Variants in CNTN5 observed in about 807,000 individuals in gnomAD.
The protein encoded by CNTN5 is contactin-5.
In CNTN5, 77 loss-of-function variants were observed where a neutral mutation model predicts 129.1. The observed-to-expected ratio is 0.60, with a 90% CI of 0.50 to 0.72. The LOEUF (loss-of-function observed/expected upper bound fraction) is 0.72, where lower values mean the gene tolerates loss of function less well. CNTN5 is among the 30% of genes least tolerant of loss of function. The pLI, the probability that CNTN5 is intolerant of heterozygous loss-of-function variation, is 0.00. For synonymous variants in CNTN5, 509 were observed against 465.6 expected (o/e 1.09, Z -1.20); for missense variants, 1,478 against 1,328.8 (o/e 1.11, Z -1.75).
chr11:99,985,152 C>T (rs1938599421), intron 8 of CNTN5, among the ~76,000 whole-genome samples: 1 of 152,026 alleles, frequency 6.6e-6, no homozygotes, highest in Non-Finnish European at 1.5e-5. Flanking sequence ...CCTCTGCTGG[C>T]AAGGGCAAAG....
At chr11:99,070,962 A>C (rs1277818453) in intron 1 of CNTN5, among the ~76,000 whole-genome samples, 1 of 152,174 alleles carries the variant, frequency 6.6e-6, no homozygotes, top group Non-Finnish European at 1.5e-5. Flanking sequence ...AAAAATGCAG[A>C]TACAGACTCA....
chr11:99,655,423 C>A (rs747751399), intron 3 of CNTN5, among the ~76,000 whole-genome samples: 15 of 152,086 alleles, frequency 9.9e-5, no homozygotes, highest in Non-Finnish European at 1.5e-4. Flanking sequence ...AATTCCAGTT[C>A]TATAGCTTAA....
chr11:99,624,755 A>G (rs950677274), intron 3 of CNTN5, among the ~76,000 whole-genome samples: 1 of 152,188 alleles, frequency 6.6e-6, no homozygotes, highest in African/African-American at 2.4e-5. Flanking sequence ...TGACTGATAC[A>G]TGTCTGATGG....
chr11:99,684,823 T>G (rs1189850619), intron 3 of CNTN5, among the ~76,000 whole-genome samples: 1 of 151,720 alleles, frequency 6.6e-6, no homozygotes, highest in Non-Finnish European at 1.5e-5. Flanking sequence ...GTTCTTGATA[T>G]GAATTTATAT....
intron 2 of CNTN5, among the ~76,000 whole-genome samples, chr11:99,446,508 C>G (rs1234615921): frequency 1.3e-5 from 2 of 152,098 alleles, no homozygotes; most frequent in African/African-American, 2.4e-5. Flanking sequence ...CTATTTCAGT[C>G]AGTAAAGTTA....
intron 6 of CNTN5, among the ~76,000 whole-genome samples, chr11:99,909,817 G>T (rs552825111): frequency 2.0e-5 from 3 of 151,916 alleles, no homozygotes; most frequent in South Asian, 2.1e-4. Flanking sequence ...GTTGTGGGGT[G>T]GGGGGAGAGG....
intron 2 of CNTN5, among the ~76,000 whole-genome samples, chr11:99,543,436 C>G (rs1948178301): frequency 6.6e-6 from 1 of 152,130 alleles, no homozygotes; most frequent in African/African-American, 2.4e-5. Flanking sequence ...TGCTGACCAT[C>G]ACATTTACTT....
chr11:99,817,346 C>G (rs373365558), intron 3 of CNTN5, among the ~76,000 whole-genome samples: 1 of 152,136 alleles, frequency 6.6e-6, no homozygotes, highest in Non-Finnish European at 1.5e-5. Context: ...GAAGACCTGG[C>G]GTAGTGCGCT....
intron 1 of CNTN5, among the ~76,000 whole-genome samples, chr11:99,161,367 C>A (rs866260069): frequency 3.9e-5 from 6 of 152,080 alleles, no homozygotes; most frequent in Middle Eastern, 6.8e-3. Context: ...CAGAGCAGCA[C>A]ATTTAAGGAA....
intron 7 of CNTN5, among the ~76,000 whole-genome samples, chr11:99,936,115 C>T (rs1950310766): frequency 6.6e-6 from 1 of 152,160 alleles, no homozygotes; most frequent in African/African-American, 2.4e-5. Flanking sequence ...GAGCACAGCT[C>T]TAGTCTCTCT....
At chr11:99,719,594 A>G (rs1039908340) in intron 3 of CNTN5, among the ~76,000 whole-genome samples, 4 of 152,106 alleles carry the variant, frequency 2.6e-5, no homozygotes, top group Non-Finnish European at 4.4e-5. Context: ...AAAGTTACAA[A>G]GATCTCAAAT....
At chr11:99,501,514 G>A (rs1332317879) in intron 2 of CNTN5, among the ~76,000 whole-genome samples, 2 of 152,170 alleles carry the variant, frequency 1.3e-5, no homozygotes, top group Non-Finnish European at 2.9e-5. Flanking sequence ...CACTGACACA[G>A]CCACTTTCTC....
intron 20 of CNTN5, among the ~76,000 whole-genome samples, chr11:100,301,282 G>T (rs913534796): frequency 6.6e-6 from 1 of 151,584 alleles, no homozygotes; most frequent in African/African-American, 2.4e-5. Flanking sequence ...CAACAGTGCT[G>T]CCTTTAAGAA....
At chr11:99,690,422 A>T (rs1406907846) in intron 3 of CNTN5, among the ~76,000 whole-genome samples, 1 of 151,988 alleles carries the variant, frequency 6.6e-6, no homozygotes, top group Non-Finnish European at 1.5e-5. Context: ...TTTGCTTAGG[A>T]TTGCCATGGC....
chr11:99,767,121 CTCTT>C (rs1483935794), intron 3 of CNTN5, among the ~76,000 whole-genome samples: 4 of 152,088 alleles, frequency 2.6e-5, no homozygotes, highest in African/African-American at 4.8e-5. Context: ...ATCTCTCTCT[CTCTT>C]TCTCTACTTC....
chr11:99,042,365 C>CTTTTTTTTT lies in CNTN5; in HGVS notation c.-210+21114_-210+21122dup, dbSNP rs1210153589. Among the ~76,000 whole-genome samples, 42 of 83,790 alleles carry CTTTTTTTTT rather than the reference C, an allele frequency of 5.0e-4. 1 individual carries two copies. Among genetic ancestry groups the CTTTTTTTTT allele is most frequent in the Middle Eastern group, 0.016 (2 of 122 alleles). The allele number at this position is 83,790 out of a possible 152,430, so 55.0% of individuals were successfully genotyped here. A position where few individuals can be genotyped will look rare whatever the true frequency, so the allele number is the denominator to read the frequency against. On this transcript the variant is annotated intron_variant, in intron 1 of 24. Coordinates refer to ENST00000524871, the MANE Select transcript of CNTN5 (RefSeq NM_014361.4). ...CACATGTACCTCCCTTCTTCTTCTT[C>CTTTTTTTTT]TTTTTTTTTTTTTTTTTTTTTTTTT...
intron 1 of CNTN5, among the ~76,000 whole-genome samples, chr11:99,082,425 C>T (rs1172908883): frequency 6.6e-6 from 1 of 152,064 alleles, no homozygotes; most frequent in Admixed American, 6.6e-5. Flanking sequence ...CCTCGTGATC[C>T]GCCCGCCTCG....
chr11:100,225,775 C>T (rs192478842), intron 16 of CNTN5, among the ~76,000 whole-genome samples: 1 of 152,092 alleles, frequency 6.6e-6, no homozygotes, highest in African/African-American at 2.4e-5. Flanking sequence ...CAGATAAAAA[C>T]ATTATCATCT....
intron 23 of CNTN5, among the ~76,000 whole-genome samples, chr11:100,346,710 C>A (rs571034827): frequency 6.6e-6 from 1 of 152,204 alleles, no homozygotes; most frequent in African/African-American, 2.4e-5. Flanking sequence ...GTTAACAGAG[C>A]TAGGGCAAAT....
Sources: allele counts gnomAD v4.1 joint callset (sites outside exome capture counted in the v4.1 genomes callset), GRCh38; gene constraint gnomAD v4.1.1; transcripts MANE v1.5; gene names NCBI Gene and HGNC (gene_info 2026-07-23, HGNC 2026-07-21).